Variants in PTPRS observed in about 807,000 individuals in gnomAD.
PTPRS encodes protein tyrosine phosphatase receptor type S.
PTPRS carries 63 observed loss-of-function variants against 215.3 expected under a neutral mutation model. That is an observed-to-expected ratio of 0.29 (90% CI 0.24 to 0.36). PTPRS has a LOEUF of 0.36. PTPRS is among the 10% of genes least tolerant of loss of function. The probability of loss-of-function intolerance (pLI) is 1.00; values close to 1 mark genes in which losing one functional copy is unlikely to be tolerated. For missense variants in PTPRS, 2,258 were observed against 2,825.8 expected (o/e 0.80, Z 4.56); for synonymous variants, 1,404 against 1,191.4 (o/e 1.18, Z -3.68).
At chr19:5,301,571 C>T (rs1032881002) in intron 1 of PTPRS, among the ~76,000 whole-genome samples, 4 of 151,876 alleles carry the variant, frequency 2.6e-5, no homozygotes, top group Admixed American at 2.6e-4. Context: ...TCGCCTCAGC[C>T]TCCCAAAGTG....
intron 9 of PTPRS, among the ~76,000 whole-genome samples, chr19:5,251,290 C>G (rs1003455812): frequency 1.6e-4 from 25 of 152,198 alleles, no homozygotes; most frequent in Non-Finnish European, 2.2e-4. Context: ...GCCTCTCCCC[C>G]CCACCGCCAG....
In PTPRS at chr19:5,222,941, G is replaced by A. The variant is rs754590432; in HGVS notation, c.2851C>T (p.Leu951=). The change falls in exon 18 of 38, where the codon CTG becomes TTG. Residue 951 remains leucine, a synonymous_variant. Coordinates refer to ENST00000262963, the MANE Select transcript of PTPRS (RefSeq NM_002850.4). ...ASAGTVLLRW[L]PPVPAERNGA... is the part of the protein sequence containing the mutation. The stretch of plus-strand genomic sequence containing the variant: ...TTGCGCTCGGCGGGCACGGGTGGCA[G>A]CCAGCGGAGAAGGACGGTCCCGGCC... 3.2e-6 allele frequency: 5 copies of A among 1,555,262 alleles called. No individual in the cohort carries two copies. The highest frequency in any genetic ancestry group is 1.7e-6 in the Non-Finnish European group (2 of 1,157,616).
intron 2 of PTPRS, among the ~76,000 whole-genome samples, chr19:5,284,165 C>A (rs754074517): frequency 1.5e-4 from 22 of 148,904 alleles, no homozygotes; most frequent in Non-Finnish European, 1.0e-4. Flanking sequence ...TTGAGACCAC[C>A]CTGGCTAACA....
At chr19:5,234,979 C>T (rs1282764328) in intron 13 of PTPRS, among the ~76,000 whole-genome samples, 24 of 147,044 alleles carry the variant, frequency 1.6e-4, no homozygotes, top group African/African-American at 5.0e-4. Context: ...CTTGCTCTGT[C>T]GCCCAGGCTG....
chr19:5,273,387 G>A, intron 4 of PTPRS, 55 bp downstream of exon 4: 1 of 1,611,500 alleles, frequency 6.2e-7, no homozygotes, highest in African/African-American at 1.3e-5. Context: ...TTTTGTGCTT[G>A]TCCCCAAAGC....
intron 11 of PTPRS, among the ~76,000 whole-genome samples, chr19:5,241,749 G>A (rs2044057539): frequency 6.6e-6 from 1 of 152,186 alleles, no homozygotes; most frequent in South Asian, 2.1e-4. Flanking sequence ...CTCCCAGAGA[G>A]CTGGGGTCCC....
intron 9 of PTPRS, among the ~76,000 whole-genome samples, chr19:5,250,617 C>CGG (rs58335045): frequency 2.3e-5 from 3 of 131,344 alleles, no homozygotes; most frequent in Non-Finnish European, 4.7e-5. Context: ...GGGGTCCCAG[C>CGG]GGGGGGACCC....
At chr19:5,246,175 G>GA (rs923816540) in intron 9 of PTPRS, 130 bp from the exon 10 acceptor site, 6 of 439,300 alleles carry the variant, frequency 1.4e-5, no homozygotes, top group Non-Finnish European at 1.9e-5. Context: ...AGGAAAGAAA[G>GA]AAAAAAAGAA....
intron 1 of PTPRS, among the ~76,000 whole-genome samples, chr19:5,302,615 C>G (rs1417772242): frequency 4.6e-5 from 7 of 152,148 alleles, no homozygotes; most frequent in East Asian, 1.9e-4. Flanking sequence ...TGTCTGAGAT[C>G]ACCCTGAATC....
At chr19:5,319,041 G>A (rs2049954916) in intron 1 of PTPRS, among the ~76,000 whole-genome samples, 2 of 152,116 alleles carry the variant, frequency 1.3e-5, no homozygotes, top group African/African-American at 4.8e-5. Context: ...TGGAAGGATC[G>A]AAGAGAAAGC....
At chr19:5,304,487 A>T (rs1157712510) in intron 1 of PTPRS, among the ~76,000 whole-genome samples, 1 of 151,918 alleles carries the variant, frequency 6.6e-6, no homozygotes, top group Non-Finnish European at 1.5e-5. Context: ...AAAATAAAAT[A>T]AAAATACAAA....
In PTPRS at chr19:5,243,976, C is replaced by T. The variant is rs1425401879; in HGVS notation, c.1495G>A (p.Val499Met). The change falls in exon 11 of 38, where the codon GTG (valine) becomes ATG (methionine). Residue 499 changes from valine (V) to methionine (M), a missense_variant. This residue lies in a region of PTPRS where 508 missense variants were observed against 799.4 expected (regional missense o/e 0.64). Coordinates refer to ENST00000262963, the MANE Select transcript of PTPRS (RefSeq NM_002850.4). ...ACGGAGGTGAAGGCGAGCACCCGCA[C>T]GGTGTAGGTCTCGTCCTCCAGCAGG... ...GSLLEDETYTVRVLAFTSVGD... is the reference protein window; with the variant it reads ...GSLLEDETYTMRVLAFTSVGD... The T allele has an allele frequency of 3.1e-6, 5 of 1,601,492 alleles. No individual in the cohort carries two copies. Among genetic ancestry groups the T allele is most frequent in the East Asian group, 2.2e-5 (1 of 44,838 alleles).
intron 2 of PTPRS, among the ~76,000 whole-genome samples, chr19:5,275,326 T>C (rs1278544325): frequency 1.3e-5 from 2 of 151,948 alleles, no homozygotes; most frequent in Non-Finnish European, 2.9e-5. Context: ...TGCCTTCGCC[T>C]CCCAAAGTGC....
chr19:5,206,694 G>T lies in PTPRS; in HGVS notation c.*80C>A. On this transcript the variant is annotated 3_prime_UTR_variant, in exon 38 of 38. Coordinates refer to ENST00000262963, the MANE Select transcript of PTPRS (RefSeq NM_002850.4). ...CCACCTCCTGCCCTGCCCACTGGGGGTCCAGGCCTCAGGAGGTCCGCCCGG... is the reference window on the plus strand; with the variant it reads ...CCACCTCCTGCCCTGCCCACTGGGGTTCCAGGCCTCAGGAGGTCCGCCCGG... The T allele has an allele frequency of 3.1e-6, 4 of 1,295,332 alleles. No individual in the cohort carries two copies. Among genetic ancestry groups the T allele is most frequent in the Non-Finnish European group, 2.2e-6 (2 of 896,786 alleles). 80.2% of individuals were successfully genotyped at this position (1,295,332 alleles called of 1,614,324 possible).
intron 9 of PTPRS, 22 bp downstream of exon 9, chr19:5,256,086 A>G: frequency 1.3e-6 from 2 of 1,511,794 alleles, no homozygotes; most frequent in Non-Finnish European, 1.8e-6. Flanking sequence ...AAAGAAAGTA[A>G]AAAAGAAAAA....
chr19:5,284,341 C>CA (rs1484698738), intron 2 of PTPRS, among the ~76,000 whole-genome samples: 1 of 150,644 alleles, frequency 6.6e-6, no homozygotes, highest in African/African-American at 2.4e-5. Context: ...GCCTGGGCGA[C>CA]AGAGTGAGAC....
intron 9 of PTPRS, among the ~76,000 whole-genome samples, chr19:5,250,128 G>T (rs1306777632): frequency 6.6e-6 from 1 of 152,216 alleles, no homozygotes; most frequent in East Asian, 1.9e-4. Context: ...AAATGGACCT[G>T]CCAATAAATT....
chr19:5,340,302 C>T (rs1272257937), intron 1 of PTPRS, among the ~76,000 whole-genome samples: 1 of 150,828 alleles, frequency 6.6e-6, no homozygotes, highest in Non-Finnish European at 1.5e-5. Context: ...CGCCTCTGCC[C>T]CGCCCGCAGC....
At chr19:5,251,114 G>C (rs558451619) in intron 9 of PTPRS, 2 of 152,648 alleles carry the variant, frequency 1.3e-5, no homozygotes, top group East Asian at 3.9e-4. Context: ...CCTGTCGGGG[G>C]GGAAGGGAGG....
Sources: gnomAD v4.1 joint callset for allele counts (sites outside exome capture counted in the v4.1 genomes callset) on GRCh38, gnomAD v4.1.1 for gene constraint, gnomAD v4.1.1 regional missense constraint, MANE v1.5 for transcripts, NCBI Gene and HGNC (gene_info 2026-07-23, HGNC 2026-07-21) for gene names.